Variants in SRBD1 observed in about 807,000 individuals in gnomAD.
The protein encoded by SRBD1 is S1 RNA binding domain 1, also known as S1 RNA-binding domain-containing protein 1.
SRBD1 carries 88 observed loss-of-function variants against 115.3 expected under a neutral mutation model. The observed-to-expected ratio is 0.76, with a 90% CI of 0.64 to 0.91. SRBD1 has a LOEUF of 0.91. Ranked by LOEUF, SRBD1 falls within the 40% of genes least tolerant of loss-of-function variation. The pLI, the probability that SRBD1 is intolerant of heterozygous loss-of-function variation, is 0.00. For missense variants in SRBD1, 1,385 were observed against 1,177.4 expected (o/e 1.18, Z -2.58); for synonymous variants, 509 against 407.7 (o/e 1.25, Z -2.99).
chr2:45,578,967 A>G (rs1421027687), intron 7 of SRBD1, among the ~76,000 whole-genome samples: 1 of 152,208 alleles, frequency 6.6e-6, no homozygotes, highest in Non-Finnish European at 1.5e-5. Flanking sequence ...TGTATATCAA[A>G]ACATCATGTT....
At chr2:45,477,141 C>T (rs1405721541) in intron 15 of SRBD1, 66 bp from the exon 16 acceptor site, 2 of 1,324,030 alleles carry the variant, frequency 1.5e-6, no homozygotes, top group Admixed American at 3.5e-5. Flanking sequence ...TAATTACTTA[C>T]ATTAGTTTCT....
intron 15 of SRBD1, among the ~76,000 whole-genome samples, chr2:45,482,140 T>G (rs1029880988): frequency 2.0e-5 from 3 of 152,142 alleles, no homozygotes; most frequent in African/African-American, 7.2e-5. Flanking sequence ...AAGCTATTAT[T>G]TTTTAAAATG....
At chr2:45,469,016 T>C (rs1669573083) in intron 16 of SRBD1, among the ~76,000 whole-genome samples, 5 of 152,226 alleles carry the variant, frequency 3.3e-5, no homozygotes, top group Admixed American at 3.3e-4. Context: ...TCTCCTCTTC[T>C]GTGAACTGCC....
intron 19 of SRBD1, among the ~76,000 whole-genome samples, chr2:45,402,494 T>C (rs577675552): frequency 6.6e-6 from 1 of 152,288 alleles, no homozygotes; most frequent in African/African-American, 2.4e-5. Context: ...ATACAAATCA[T>C]TCCTTGACAT....
At chr2:45,412,551 T>A (rs1206530952) in intron 19 of SRBD1, among the ~76,000 whole-genome samples, 1 of 152,162 alleles carries the variant, frequency 6.6e-6, no homozygotes, top group Non-Finnish European at 1.5e-5. Context: ...ATGTAGCAAG[T>A]CACTGTTTTT....
At chr2:45,565,715 T>C (rs1672807464) in intron 9 of SRBD1, among the ~76,000 whole-genome samples, 1 of 152,180 alleles carries the variant, frequency 6.6e-6, no homozygotes, top group Admixed American at 6.5e-5. Flanking sequence ...TTGCAAATCA[T>C]ATGTCACATA....
intron 4 of SRBD1, among the ~76,000 whole-genome samples, chr2:45,596,659 T>C (rs927193615): frequency 1.3e-5 from 2 of 152,176 alleles, no homozygotes; most frequent in African/African-American, 4.8e-5. Flanking sequence ...ATCATGATAA[T>C]GTAGTAAACA....
chr2:45,543,607 T>A (rs1168150217), intron 14 of SRBD1, among the ~76,000 whole-genome samples: 1 of 152,074 alleles, frequency 6.6e-6, no homozygotes, highest in East Asian at 1.9e-4. Context: ...AACTTCAAAG[T>A]GTAAGATGAG....
chr2:45,470,808 A>G (rs1367003441), intron 16 of SRBD1, among the ~76,000 whole-genome samples: 1 of 152,158 alleles, frequency 6.6e-6, no homozygotes, highest in Admixed American at 6.6e-5. Context: ...ATTTGACCAC[A>G]CTGGCTGCCT....
intron 9 of SRBD1, among the ~76,000 whole-genome samples, chr2:45,567,479 C>T (rs979106157): frequency 2.6e-5 from 4 of 152,042 alleles, no homozygotes; most frequent in African/African-American, 9.7e-5. Flanking sequence ...TGTGCTTGTG[C>T]ATGCCCATAG....
rs577529274 is a variant in SRBD1, at chr2:45,546,649, A to T, written c.1874+83T>A. ...AGGGCAAAGAAGATGTACATCTTAA[A>T]AAGAGAAGGGAGGATTCATCACAAA... is the stretch of plus-strand genomic sequence containing the variant. On this transcript the variant is annotated intron_variant, in intron 14 of 20. Transcript: ENST00000263736. 2.4e-5 allele frequency: 32 copies of T among 1,336,696 alleles called. No individual in the cohort carries two copies. The Middle Eastern group carries it at 5.6e-4, about 24-fold the overall frequency. The allele number at this position is 1,336,696 out of a possible 1,614,324, so 82.8% of individuals were successfully genotyped here.
At chr2:45,500,719 A>T (rs976311491) in intron 14 of SRBD1, among the ~76,000 whole-genome samples, 1 of 152,152 alleles carries the variant, frequency 6.6e-6, no homozygotes, top group African/African-American at 2.4e-5. Flanking sequence ...GCCAGCCAAC[A>T]GTATTGATTT....
chr2:45,420,066 C>T (rs1046266346), intron 16 of SRBD1, among the ~76,000 whole-genome samples, 172 bp from the exon 17 acceptor site: 1 of 146,068 alleles, frequency 6.8e-6, no homozygotes, highest in Non-Finnish European at 1.5e-5. Flanking sequence ...TCTGTGGCTT[C>T]TTACTCTTTT....
intron 16 of SRBD1, among the ~76,000 whole-genome samples, chr2:45,421,708 A>C (rs1668013195): frequency 6.6e-6 from 1 of 152,006 alleles, no homozygotes; most frequent in Admixed American, 6.6e-5. Context: ...CATCAAGGAA[A>C]ACAAGGAATA....
In SRBD1 at chr2:45,389,568, T is replaced by A. The variant is rs1299487686; in HGVS notation, c.2730A>T (p.Ile910=). 1 of 1,613,554 alleles carries A rather than the reference T, an allele frequency of 6.2e-7. No homozygotes were observed. Among genetic ancestry groups the A allele is most frequent in the Non-Finnish European group, 8.5e-7 (1 of 1,179,848 alleles). The change falls in exon 21 of 21, where the codon ATA becomes ATT. Residue 910 remains isoleucine, a synonymous_variant. Coordinates refer to ENST00000263736, the MANE Select transcript of SRBD1 (RefSeq NM_018079.5). Reference sequence around the variant, plus strand: ...CAATCTGCAGATCTTCCAGGCATACTATGCTTCTCTTGAAATCAGGTTTAT... The same window carrying A: ...CAATCTGCAGATCTTCCAGGCATACAATGCTTCTCTTGAAATCAGGTTTAT... ...DFDKPDFKRS[I]VCLEDLQIGT...
chr2:45,589,360 G>A (rs1673642957), intron 4 of SRBD1, among the ~76,000 whole-genome samples: 1 of 152,080 alleles, frequency 6.6e-6, no homozygotes, highest in African/African-American at 2.4e-5. Flanking sequence ...GCAATAAGTG[G>A]CACCATGTTT....
chr2:45,403,342 T>C (rs1314401441), intron 19 of SRBD1, among the ~76,000 whole-genome samples: 1 of 147,482 alleles, frequency 6.8e-6, no homozygotes, highest in Non-Finnish European at 1.5e-5. Flanking sequence ...AAAAAAAAAA[T>C]ACATGAATTA....
At chr2:45,425,749 T>C (rs897731312) in intron 16 of SRBD1, among the ~76,000 whole-genome samples, 41 of 152,032 alleles carry the variant, frequency 2.7e-4, no homozygotes, top group Admixed American at 1.1e-3. Flanking sequence ...CTCCCTCCCC[T>C]AGCCAAGGGA....
At chr2:45,605,980 T>C (rs1207636841) in intron 1 of SRBD1, among the ~76,000 whole-genome samples, 1 of 151,026 alleles carries the variant, frequency 6.6e-6, no homozygotes, top group Non-Finnish European at 1.5e-5. Context: ...GTATGGGCCA[T>C]CTTTTAAAAA....
Sources: allele counts gnomAD v4.1 joint callset (sites outside exome capture counted in the v4.1 genomes callset), GRCh38; gene constraint gnomAD v4.1.1; transcripts MANE v1.5; gene names NCBI Gene and HGNC (gene_info 2026-07-23, HGNC 2026-07-21).